MAP4K5: variants seen among roughly 807,000 people sequenced by gnomAD.
The protein encoded by MAP4K5 is mitogen-activated protein kinase kinase kinase kinase 5.
MAP4K5 carries 82 observed loss-of-function variants against 135.6 expected under a neutral mutation model. The ratio of observed to expected loss-of-function variants is 0.60; its 90% CI spans 0.51 to 0.73. The LOEUF (loss-of-function observed/expected upper bound fraction) is 0.73, where lower values mean the gene tolerates loss of function less well. Among genes scored for constraint, MAP4K5 ranks in the 30% least tolerant of loss-of-function variants. MAP4K5 has a pLI of 0.00. For synonymous variants in MAP4K5, 347 were observed against 335.0 expected (o/e 1.04, Z -0.39); for missense variants, 907 against 1,010.9 (o/e 0.90, Z 1.39).
At chr14:50,484,214 T>G (rs1157465566) in intron 5 of MAP4K5, among the ~76,000 whole-genome samples, 1 of 152,248 alleles carries the variant, frequency 6.6e-6, no homozygotes, top group African/African-American at 2.4e-5. Flanking sequence ...AGAAATAGCC[T>G]AAATCATAGT....
chr14:50,486,513 G>C (rs946440682), intron 3 of MAP4K5, among the ~76,000 whole-genome samples: 2 of 152,016 alleles, frequency 1.3e-5, no homozygotes, highest in Non-Finnish European at 2.9e-5. Flanking sequence ...ATGAAAATAG[G>C]TTTATATTAT....
intron 2 of MAP4K5, among the ~76,000 whole-genome samples, chr14:50,524,439 C>T (rs1237439122): frequency 6.6e-6 from 1 of 151,962 alleles, no homozygotes; most frequent in Non-Finnish European, 1.5e-5. Context: ...TATACTAGTA[C>T]AGGTGTTTCA....
At chr14:50,426,248 T>G (rs2035843913) in intron 30 of MAP4K5, among the ~76,000 whole-genome samples, 1 of 152,160 alleles carries the variant, frequency 6.6e-6, no homozygotes, top group South Asian at 2.1e-4. Context: ...TGTTGGCATA[T>G]TCATTTCTTT....
Position 50,520,220 on chromosome 14 carries a change from C to T in MAP4K5, c.108+11722G>A, listed in dbSNP as rs369024777. 5.9e-4 allele frequency among the ~76,000 whole-genome samples: 90 copies of T among 151,812 alleles called. No homozygotes were observed. The East Asian group carries it at 0.01, about 18-fold the overall frequency. ...TCTATTAAAAATACAAAAATTTGGC[C>T]GGGCGTGGTGGCTCACGCCTGTAAT... On this transcript the variant is annotated intron_variant, in intron 2 of 32. Transcript: ENST00000682126.
At chr14:50,458,364 C>G (rs2036636526) in intron 13 of MAP4K5, among the ~76,000 whole-genome samples, 2 of 152,074 alleles carry the variant, frequency 1.3e-5, no homozygotes, top group Admixed American at 6.6e-5. Flanking sequence ...AGCAATGCCC[C>G]CCACCACACA....
rs918141777 is a variant in MAP4K5, at chr14:50,449,758, G to A, written c.1016-926C>T. The A allele has an allele frequency of 2.6e-5, 4 of 152,004 alleles. No homozygotes were observed. The East Asian group carries it at 7.7e-4, about 29-fold the overall frequency. The allele number at this position is 152,004 out of a possible 1,614,324, so 9.4% of individuals were successfully genotyped here. ...AAATAAAAAGTCCTGGGACATTAAT[G>A]ACTTAACGTAATTAAAAAACATCTG... On this transcript the variant is annotated intron_variant, in intron 14 of 32. Coordinates refer to ENST00000682126, the MANE Select transcript of MAP4K5 (RefSeq NM_006575.6).
intron 2 of MAP4K5, among the ~76,000 whole-genome samples, chr14:50,541,665 A>G (rs978817211): frequency 5.9e-5 from 9 of 152,164 alleles, no homozygotes; most frequent in African/African-American, 1.9e-4. Flanking sequence ...AGGAAACTGT[A>G]TGGAGTCTCT....
chr14:50,431,760 A>G (rs1181259421), intron 28 of MAP4K5, among the ~76,000 whole-genome samples: 1 of 151,962 alleles, frequency 6.6e-6, no homozygotes, highest in East Asian at 1.9e-4. Context: ...TCCTTTGGGT[A>G]TATACCCAGT....
At chr14:50,434,245 C>CGTACACGGTTCTATGGGCTTACTTG (rs1344272535) in intron 28 of MAP4K5, 149 bp downstream of exon 28, 46 of 591,956 alleles carry the variant, frequency 7.8e-5, no homozygotes, top group Middle Eastern at 4.3e-4. Context: ...CATAAATATA[C>CGTACACGGTTCTATGGGCTTACTTG]GTACACGGTT....
At chr14:50,458,819 A>AT (rs911112975) in intron 13 of MAP4K5, among the ~76,000 whole-genome samples, 2 of 151,764 alleles carry the variant, frequency 1.3e-5, no homozygotes, top group Non-Finnish European at 1.5e-5. Flanking sequence ...ACTTTTATTT[A>AT]TTTTTTTGAG....
Position 50,485,602 on chromosome 14 carries a change from C to T in MAP4K5, c.298G>A (p.Gly100Arg), listed in dbSNP as rs1422942333. ...LWICMEYCGG[G>R]SLQDIYHVTG... is the part of the protein sequence containing the mutation. Reference sequence around the variant, plus strand: ...CCATGGTAAATATCTTGAAGTGATCCGCCACCACAGTATTCCATACAAATC... The same window carrying T: ...CCATGGTAAATATCTTGAAGTGATCTGCCACCACAGTATTCCATACAAATC... The change falls in exon 5 of 33, where the codon GGA becomes AGA. Residue 100 changes from glycine (G) to arginine (R), a missense_variant. Coordinates refer to ENST00000682126, the MANE Select transcript of MAP4K5 (RefSeq NM_006575.6). The T allele has an allele frequency of 1.0e-5, 16 of 1,551,932 alleles. No homozygotes were observed. Among genetic ancestry groups the T allele is most frequent in the African/African-American group, 4.1e-5 (3 of 73,044 alleles).
intron 17 of MAP4K5, among the ~76,000 whole-genome samples, chr14:50,445,687 A>T (rs2139725409): frequency 6.6e-6 from 1 of 152,250 alleles, no homozygotes; most frequent in South Asian, 2.1e-4. Flanking sequence ...CTCATGCCTC[A>T]GCTTCCCAAG....
intron 3 of MAP4K5, 54 bp from the exon 4 acceptor site, chr14:50,486,248 A>G: frequency 1.5e-6 from 1 of 645,404 alleles, no homozygotes; most frequent in Non-Finnish European, 2.7e-6. Flanking sequence ...TACATATGAA[A>G]AGAAGGAAGG....
intron 2 of MAP4K5, among the ~76,000 whole-genome samples, chr14:50,508,041 T>C (rs951145765): frequency 1.3e-5 from 2 of 152,146 alleles, no homozygotes; most frequent in Admixed American, 6.5e-5. Flanking sequence ...CTGTATTGGG[T>C]GCATATATAT....
At chr14:50,478,813 T>C (rs2037166390) in intron 6 of MAP4K5, among the ~76,000 whole-genome samples, 1 of 152,150 alleles carries the variant, frequency 6.6e-6, no homozygotes, top group Admixed American at 6.5e-5. Context: ...AGATTTTCTC[T>C]AGGAATAGAA....
intron 2 of MAP4K5, among the ~76,000 whole-genome samples, chr14:50,528,852 A>T (rs1389428073): frequency 6.6e-6 from 1 of 152,228 alleles, no homozygotes; most frequent in Non-Finnish European, 1.5e-5. Flanking sequence ...GCTCATCAGA[A>T]ACACAGTGAT....
At chr14:50,445,273 T>C in intron 17 of MAP4K5, 79 bp from the exon 18 acceptor site, 2 of 1,340,840 alleles carry the variant, frequency 1.5e-6, no homozygotes, top group Non-Finnish European at 2.1e-6. Flanking sequence ...AAATGCACCT[T>C]TTTTCATTCT....
intron 3 of MAP4K5, among the ~76,000 whole-genome samples, chr14:50,500,282 G>A (rs773659792): frequency 1.3e-5 from 2 of 152,102 alleles, no homozygotes; most frequent in African/African-American, 4.8e-5. Context: ...AGGCACTCAC[G>A]TGTCCTATGC....
At chr14:50,441,515 A>G (rs1220117160) in intron 21 of MAP4K5, among the ~76,000 whole-genome samples, 2 of 152,092 alleles carry the variant, frequency 1.3e-5, no homozygotes, top group Admixed American at 6.6e-5. Flanking sequence ...AGTGGCCTCA[A>G]AAAAGTTGAC....
Sources: allele counts gnomAD v4.1 joint callset (sites outside exome capture counted in the v4.1 genomes callset), GRCh38; gene constraint gnomAD v4.1.1; transcripts MANE v1.5; gene names NCBI Gene and HGNC (gene_info 2026-07-23, HGNC 2026-07-21).